The following KCNC1 variants were observed in gnomAD, a reference collection of about 807,000 sequenced individuals.
KCNC1 encodes the protein voltage-gated potassium channel KCNC1.
KCNC1 carries 8 observed loss-of-function variants against 43.4 expected under a neutral mutation model. That is an observed-to-expected ratio of 0.18 (90% CI 0.11 to 0.33). KCNC1 has a LOEUF of 0.33. Ranked by LOEUF, KCNC1 falls within the 10% of genes least tolerant of loss-of-function variation. The pLI, the probability that KCNC1 is intolerant of heterozygous loss-of-function variation, is 1.00. For synonymous variants in KCNC1, 361 were observed against 360.5 expected (o/e 1.00, Z -0.01); for missense variants, 420 against 836.0 (o/e 0.50, Z 6.14).
intron 1 of KCNC1, among the ~76,000 whole-genome samples, chr11:17,752,957 T>C (rs189875962): frequency 3.9e-5 from 6 of 152,340 alleles, no homozygotes; most frequent in Admixed American, 2.0e-4. Context: ...TGGTGCATAA[T>C]AGGCATTCAG....
rs190952667 is a variant in KCNC1 at position 17,742,132 on chromosome 11, C to T, written c.570+5560C>T. Among the ~76,000 whole-genome samples, 251 of 152,328 alleles carry T rather than the reference C, an allele frequency of 1.6e-3. No individual in the cohort carries two copies. The highest frequency in any genetic ancestry group is 2.9e-3 in the Non-Finnish European group (198 of 68,026). On this transcript the variant is annotated intron_variant, in intron 1 of 3. Transcript: ENST00000265969. The surrounding 1 kb of genome is among the most constrained non-coding windows in gnomAD (Gnocchi z 4.2). The stretch of plus-strand genomic sequence containing the variant: ...GAGGAGTGCTCTACCTGAGGCCCCT[C>T]GTGAGCGGGTTAGCTGAGGGCTGGC...
At chr11:17,769,149 G>A (rs1033526507) in intron 1 of KCNC1, among the ~76,000 whole-genome samples, 2 of 152,146 alleles carry the variant, frequency 1.3e-5, no homozygotes, top group Non-Finnish European at 1.5e-5. Flanking sequence ...TAGTTCATAG[G>A]GCTGAGGGTT....
At position 17,772,568 on chromosome 11, in the gene KCNC1, C is replaced by G; in HGVS notation, c.1474C>G (p.Gln492Glu). 1 of 1,613,198 alleles carries G rather than the reference C, an allele frequency of 6.2e-7. No homozygotes were observed. Residue 492 changes from glutamine to glutamate, a missense_variant, in exon 2 of 4, where the codon CAG becomes GAG. Around this residue, in one of 5 missense-constraint regions of KCNC1, gnomAD observed 147 missense variants for 176.1 expected, o/e 0.83. Transcript: ENST00000265969. ...STQSDTCPLA[Q>E]EEILEINRAD... is the part of the protein sequence containing the mutation. ...TCAGAGTGACACATGTCCGCTGGCC[C>G]AGGAAGAAATTTTAGAAATTAACAG...
In KCNC1 at chr11:17,773,548, T is replaced by A. The variant is rs776925498; in HGVS notation, c.1504+950T>A. ...AGTGTACAACCACTTTCCCGTGAAT[T>A]CACTGGGGGCCGGGAGGGGGGAGGG... On this transcript the variant is annotated intron_variant, in intron 2 of 3. Coordinates refer to ENST00000265969, the MANE Select transcript of KCNC1 (RefSeq NM_001112741.2). The surrounding 1 kb of genome is among the most constrained non-coding windows in gnomAD (Gnocchi z 4.1). 1.1e-4 allele frequency: 109 copies of A among 964,930 alleles called. No homozygotes were observed. Among genetic ancestry groups the A allele is most frequent in the Non-Finnish European group, 1.3e-4 (105 of 818,616 alleles). 59.8% of individuals were successfully genotyped at this position (964,930 alleles called of 1,614,324 possible).
chr11:17,769,844 T>C (rs1849202458), intron 1 of KCNC1, among the ~76,000 whole-genome samples: 1 of 152,162 alleles, frequency 6.6e-6, no homozygotes, highest in South Asian at 2.1e-4. Flanking sequence ...ACAGGACTAG[T>C]AGTGTCCCGT....
Position 17,736,260 on chromosome 11 carries a change from C to T in KCNC1, c.258C>T (p.Leu86=). 6.2e-7 allele frequency: 1 copy of T among 1,613,752 alleles called. No individual in the cohort carries two copies. The highest frequency in any genetic ancestry group is 8.5e-7 in the Non-Finnish European group (1 of 1,179,904). ...LHCPADVCGP[L]YEEELAFWGI... ...GCCCAGCCGACGTGTGCGGGCCGCT[C>T]TACGAGGAGGAGCTGGCCTTCTGGG... is the stretch of plus-strand genomic sequence containing the variant. The change falls in exon 1 of 4, where the codon CTC becomes CTT. Residue 86 remains leucine (L), a synonymous_variant. Transcript: ENST00000265969. The surrounding 1 kb of genome is among the most constrained non-coding windows in gnomAD (Gnocchi z 9.3).
chr11:17,763,487 A>C (rs925740271), intron 1 of KCNC1, among the ~76,000 whole-genome samples: 3 of 151,556 alleles, frequency 2.0e-5, no homozygotes, highest in African/African-American at 7.3e-5. Context: ...ACACCCATGC[A>C]CTGCCCCCCA....
chr11:17,739,019 C>T lies in KCNC1; in HGVS notation c.570+2447C>T, dbSNP rs1848802187. Among the ~76,000 whole-genome samples the T allele has an allele frequency of 1.3e-5, 2 of 152,236 alleles. No homozygotes were observed. The highest frequency in any genetic ancestry group is 1.3e-4 in the Admixed American group (2 of 15,288). The stretch of plus-strand genomic sequence containing the variant: ...GGGCAGAGCGGGATTAGAACCCCAG[C>T]TTCCTGCCGCCCGCCCGGCTGGCCT... On this transcript the variant is annotated intron_variant, in intron 1 of 3. Coordinates refer to ENST00000265969, the MANE Select transcript of KCNC1 (RefSeq NM_001112741.2). This position sits in a 1 kb window ranked among gnomAD's most constrained non-coding sequence, Gnocchi z 4.2.
At chr11:17,751,862 C>T (rs541233783) in intron 1 of KCNC1, among the ~76,000 whole-genome samples, 62 of 152,268 alleles carry the variant, frequency 4.1e-4, no homozygotes, top group African/African-American at 1.5e-3. Context: ...CAGTCTGCTC[C>T]GGAGTAGGGA....
chr11:17,740,106 C>T (rs1848821330), intron 1 of KCNC1, among the ~76,000 whole-genome samples: 1 of 152,194 alleles, frequency 6.6e-6, no homozygotes. Context: ...GGTGCTGGCC[C>T]TGGAGATAGG....
chr11:17,746,547 C>A (rs1399754374), intron 1 of KCNC1, among the ~76,000 whole-genome samples: 1 of 152,114 alleles, frequency 6.6e-6, no homozygotes, highest in African/African-American at 2.4e-5. Flanking sequence ...CCTTCCCTTC[C>A]CTGTCCCCTC....
chr11:17,773,189 G>T lies in KCNC1; in HGVS notation c.1504+591G>T, dbSNP rs1175192422. ...CTGATTTCGGGCTGCCCAGCTCGAG[G>T]TCCTTCCCAGGAGACGCCTGTAGCC... On this transcript the variant is annotated intron_variant, in intron 2 of 3. Transcript: ENST00000265969. The surrounding 1 kb of genome is among the most constrained non-coding windows in gnomAD (Gnocchi z 4.1). 2 of 986,436 alleles carry T rather than the reference G, an allele frequency of 2.0e-6. No individual in the cohort carries two copies. Among genetic ancestry groups the T allele is most frequent in the African/African-American group, 1.7e-5 (1 of 57,216 alleles). 61.1% of individuals were successfully genotyped at this position (986,436 alleles called of 1,614,324 possible). A position where few individuals can be genotyped will look rare whatever the true frequency, so the allele number is the denominator to read the frequency against.
Position 17,773,372 on chromosome 11 carries a change from C to A in KCNC1, c.1504+774C>A. On this transcript the variant is annotated intron_variant, in intron 2 of 3. Transcript: ENST00000265969. This position sits in a 1 kb window ranked among gnomAD's most constrained non-coding sequence, Gnocchi z 4.1. ...GGTCGAGTGGGAGTTTCCGGTGACC[C>A]GATGGAAGCGGCTGCCGAGCAAAAG... 1.0e-6 allele frequency: 1 copy of A among 985,322 alleles called. No homozygotes were observed. Among genetic ancestry groups the A allele is most frequent in the Non-Finnish European group, 1.2e-6 (1 of 829,936 alleles). 61.0% of individuals were successfully genotyped at this position (985,322 alleles called of 1,614,324 possible). A position where few individuals can be genotyped will look rare whatever the true frequency, so the allele number is the denominator to read the frequency against.
At chr11:17,764,578 C>A (rs1590103250) in intron 1 of KCNC1, among the ~76,000 whole-genome samples, 2 of 152,200 alleles carry the variant, frequency 1.3e-5, no homozygotes, top group East Asian at 3.9e-4. Context: ...AGCCGTGTTC[C>A]TGGAACATGC....
Position 17,772,554 on chromosome 11 carries a change from C to T in KCNC1, c.1460C>T (p.Thr487Ile). Residue 487 changes from threonine (T) to isoleucine (I), a missense_variant, in exon 2 of 4, where the codon ACA (threonine) becomes ATA (isoleucine). Physicochemically the swap from Thr to Ile is moderately conservative, Grantham distance 89 (BLOSUM62 -1). Transcript: ENST00000265969. ...NSPHHSTQSD[T>I]CPLAQEEILE... is the part of the protein sequence containing the mutation. Reference sequence around the variant, plus strand: ...CCACACCACAGTACTCAGAGTGACACATGTCCGCTGGCCCAGGAAGAAATT... The same window carrying T: ...CCACACCACAGTACTCAGAGTGACATATGTCCGCTGGCCCAGGAAGAAATT... 2 of 1,613,956 alleles carry T rather than the reference C, an allele frequency of 1.2e-6. No homozygotes were observed. The highest frequency in any genetic ancestry group is 1.7e-6 in the Non-Finnish European group (2 of 1,179,850).
chr11:17,764,726 A>G (rs1849128825), intron 1 of KCNC1, among the ~76,000 whole-genome samples: 2 of 152,172 alleles, frequency 1.3e-5, no homozygotes, highest in African/African-American at 4.8e-5. Flanking sequence ...TGGTGCAGGC[A>G]TTTATTGACA....
intron 1 of KCNC1, among the ~76,000 whole-genome samples, chr11:17,761,757 C>A (rs562316013): frequency 1.3e-5 from 2 of 152,294 alleles, no homozygotes; most frequent in South Asian, 2.1e-4. Context: ...CCAGGATTGG[C>A]TGGTGGCATC....
At chr11:17,759,759 C>T (rs996668829) in intron 1 of KCNC1, among the ~76,000 whole-genome samples, 2 of 151,892 alleles carry the variant, frequency 1.3e-5, no homozygotes, top group African/African-American at 4.8e-5. Context: ...TGTGGTTCCC[C>T]AAAACAATTA....
At chr11:17,763,463 G>A (rs994490110) in intron 1 of KCNC1, among the ~76,000 whole-genome samples, 2 of 151,700 alleles carry the variant, frequency 1.3e-5, no homozygotes, top group Non-Finnish European at 2.9e-5. Flanking sequence ...GCCCGGACAC[G>A]CACATGCACA....
Sources: gnomAD v4.1 joint callset for allele counts (sites outside exome capture counted in the v4.1 genomes callset) on GRCh38, gnomAD v4.1.1 for gene constraint, gnomAD v4.1.1 regional missense constraint, Gnocchi (gnomAD v3.1) non-coding constraint, MANE v1.5 for transcripts, NCBI Gene and HGNC (gene_info 2026-07-23, HGNC 2026-07-21) for gene names.